MYO5B: variants seen among roughly 807,000 people sequenced by gnomAD.
MYO5B encodes unconventional myosin-Vb.
A neutral mutation model predicts 229.3 loss-of-function variants in MYO5B; 143 were observed. The observed-to-expected ratio is 0.62, with a 90% CI of 0.54 to 0.72. The LOEUF is 0.72. Ranked by LOEUF, MYO5B falls within the 30% of genes least tolerant of loss-of-function variation. The pLI, the probability that MYO5B is intolerant of heterozygous loss-of-function variation, is 0.00. For missense variants in MYO5B, 2,321 were observed against 2,331.0 expected (o/e 1.00, Z 0.09); for synonymous variants, 918 against 885.2 (o/e 1.04, Z -0.66).
rs75675314 is a variant in MYO5B at position 50,164,987 on chromosome 18, G to A, written c.27+29780C>T. On this transcript the variant is annotated intron_variant, in intron 1 of 39. Transcript: ENST00000285039. ...CCCACCAACGCTCTTCTTTCTGGAG[G>A]AGTTCGCAGCTTATTTGGTATCTGG... Among the ~76,000 whole-genome samples the A allele has an allele frequency of 4.4e-3, 669 of 152,354 alleles. 3 individuals carry two copies. Among genetic ancestry groups the A allele is most frequent in the African/African-American group, 0.014 (595 of 41,582 alleles).
chr18:49,916,275 G>C (rs1424975313), intron 17 of MYO5B, among the ~76,000 whole-genome samples: 1 of 152,240 alleles, frequency 6.6e-6, no homozygotes, highest in African/African-American at 2.4e-5. Flanking sequence ...TTACTAGAGT[G>C]AGGAGCTGTG....
intron 4 of MYO5B, among the ~76,000 whole-genome samples, chr18:50,013,532 C>A (rs1233182000): frequency 6.6e-6 from 1 of 152,208 alleles, no homozygotes; most frequent in Non-Finnish European, 1.5e-5. Context: ...ATTACAGATT[C>A]CCTCACTAAC....
intron 1 of MYO5B, among the ~76,000 whole-genome samples, chr18:50,076,940 A>T (rs1265790582): frequency 6.6e-6 from 1 of 151,300 alleles, no homozygotes; most frequent in African/African-American, 2.4e-5. Flanking sequence ...AAAAAAAAAA[A>T]ATCCAATAGT....
At chr18:50,168,400 A>C (rs537073229) in intron 1 of MYO5B, among the ~76,000 whole-genome samples, 1 of 152,138 alleles carries the variant, frequency 6.6e-6, no homozygotes, top group Non-Finnish European at 1.5e-5. Flanking sequence ...TCTAGAAAAC[A>C]GGCTGTCTCT....
At chr18:49,944,325 C>G (rs184953119) in intron 14 of MYO5B, among the ~76,000 whole-genome samples, 1 of 152,220 alleles carries the variant, frequency 6.6e-6, no homozygotes, top group East Asian at 1.9e-4. Context: ...CAACAATGCA[C>G]CACAGAGAAC....
chr18:49,987,275 C>G (rs776052164), intron 7 of MYO5B, among the ~76,000 whole-genome samples: 2 of 152,136 alleles, frequency 1.3e-5, no homozygotes, highest in Non-Finnish European at 2.9e-5. Context: ...TGATCTGAAA[C>G]CAATCAAAAT....
At chr18:49,829,442 G>A (rs1313284346) in intron 39 of MYO5B, among the ~76,000 whole-genome samples, 5 of 152,146 alleles carry the variant, frequency 3.3e-5, no homozygotes, top group African/African-American at 1.2e-4. Context: ...CCTATAACAA[G>A]TAAGCATATT....
intron 21 of MYO5B, 99 bp downstream of exon 21, chr18:49,902,495 T>G: frequency 6.5e-7 from 1 of 1,544,182 alleles, no homozygotes; most frequent in Non-Finnish European, 8.8e-7. Flanking sequence ...CTCCCTCGGG[T>G]CTTCGGCATG....
At chr18:49,938,761 G>A (rs1420931179) in intron 14 of MYO5B, among the ~76,000 whole-genome samples, 1 of 152,050 alleles carries the variant, frequency 6.6e-6, no homozygotes, top group Non-Finnish European at 1.5e-5. Context: ...CACTACTCCT[G>A]CCTCTATACC....
intron 23 of MYO5B, chr18:49,879,484 A>C: frequency 3.7e-6 from 1 of 269,934 alleles, no homozygotes; most frequent in Non-Finnish European, 7.1e-6. Flanking sequence ...AGGGAGATTA[A>C]AGGCGACTGG....
chr18:49,867,265 G>A (rs1413969527), intron 27 of MYO5B, among the ~76,000 whole-genome samples: 2 of 152,284 alleles, frequency 1.3e-5, no homozygotes, highest in East Asian at 3.9e-4. Context: ...GAGACTGCTT[G>A]GATGTGGGAA....
At chr18:49,987,137 G>A (rs1195019048) in intron 7 of MYO5B, among the ~76,000 whole-genome samples, 2 of 152,178 alleles carry the variant, frequency 1.3e-5, no homozygotes, top group African/African-American at 2.4e-5. Flanking sequence ...TAGACACCCC[G>A]CCTTCCGAGA....
chr18:49,876,802 C>T (rs762220226), intron 25 of MYO5B, among the ~76,000 whole-genome samples: 4 of 152,230 alleles, frequency 2.6e-5, no homozygotes, highest in Non-Finnish European at 5.9e-5. Flanking sequence ...CACGCAGAAC[C>T]GCACAACAGA....
intron 7 of MYO5B, among the ~76,000 whole-genome samples, chr18:49,988,382 C>T (rs375866636): frequency 4.3e-4 from 65 of 152,288 alleles, no homozygotes; most frequent in African/African-American, 1.5e-3. Flanking sequence ...AAAATATTCT[C>T]AGAGGGCACA....
At chr18:50,178,557 G>A (rs2033028802) in intron 1 of MYO5B, among the ~76,000 whole-genome samples, 1 of 152,180 alleles carries the variant, frequency 6.6e-6, no homozygotes, top group Non-Finnish European at 1.5e-5. Context: ...CCAGTGTTAA[G>A]CCAAGAGTTT....
chr18:49,829,630 G>A (rs2023890361), intron 39 of MYO5B, among the ~76,000 whole-genome samples: 1 of 152,110 alleles, frequency 6.6e-6, no homozygotes, highest in African/African-American at 2.4e-5. Context: ...ATCAAAGCCA[G>A]ATAAAGACCC....
chr18:50,037,119 T>C, intron 3 of MYO5B, 125 bp from the exon 4 acceptor site: 1 of 1,012,748 alleles, frequency 9.9e-7, no homozygotes, highest in Admixed American at 1.9e-5. Flanking sequence ...AGAACCAGTC[T>C]TAACCAATCA....
intron 16 of MYO5B, among the ~76,000 whole-genome samples, chr18:49,934,209 C>A (rs373069917): frequency 6.6e-6 from 1 of 152,078 alleles, no homozygotes; most frequent in African/African-American, 2.4e-5. Flanking sequence ...AAATGAGACA[C>A]AGAGAGCAAA....
chr18:49,861,016 A>AAGCT (rs1230350167), intron 29 of MYO5B, among the ~76,000 whole-genome samples: 1 of 152,090 alleles, frequency 6.6e-6, no homozygotes, highest in Admixed American at 6.5e-5. Flanking sequence ...ACACTTCCCA[A>AAGCT]AGCTAAAGGC....
Sources: gnomAD v4.1 joint callset for allele counts (sites outside exome capture counted in the v4.1 genomes callset) on GRCh38, gnomAD v4.1.1 for gene constraint, MANE v1.5 for transcripts, NCBI Gene and HGNC (gene_info 2026-07-23, HGNC 2026-07-21) for gene names.